Variants in PACRG observed in about 807,000 individuals in gnomAD.
PACRG encodes the protein parkin coregulated.
In PACRG, 29 loss-of-function variants were observed where a neutral mutation model predicts 29.7. The observed-to-expected ratio is 0.98, with a 90% confidence interval of 0.73 to 1.33. PACRG has a LOEUF of 1.33. Among genes scored for constraint, PACRG ranks in the 40% most tolerant of loss-of-function variants. The pLI, the probability that PACRG is intolerant of heterozygous loss-of-function variation, is 0.00. For missense variants in PACRG, 279 were observed against 316.2 expected (o/e 0.88, Z 0.89); for synonymous variants, 116 against 118.7 (o/e 0.98, Z 0.15).
chr6:163,236,703 G>A (rs919722521), intron 4 of PACRG, among the ~76,000 whole-genome samples: 6 of 152,222 alleles, frequency 3.9e-5, no homozygotes. Flanking sequence ...CTTCGTTTTA[G>A]TGGGGCATTG....
chr6:162,845,326 G>A (rs774148544), intron 2 of PACRG, among the ~76,000 whole-genome samples: 1 of 151,334 alleles, frequency 6.6e-6, no homozygotes, highest in Middle Eastern at 3.5e-3. Context: ...CAAACCGTGA[G>A]CAAGAATCCC....
intron 1 of PACRG, among the ~76,000 whole-genome samples, chr6:162,794,635 T>C (rs1442009725): frequency 6.6e-6 from 1 of 152,196 alleles, no homozygotes; most frequent in Admixed American, 6.5e-5. Context: ...GAGACAGAGA[T>C]ACAGTTTTTC....
chr6:163,032,675 T>C (rs1489851768), intron 2 of PACRG, among the ~76,000 whole-genome samples: 1 of 152,154 alleles, frequency 6.6e-6, no homozygotes, highest in African/African-American at 2.4e-5. Flanking sequence ...AGAAAACCAA[T>C]CATTTTATAT....
chr6:162,975,616 A>G (rs1423445583), intron 2 of PACRG, among the ~76,000 whole-genome samples: 2 of 152,186 alleles, frequency 1.3e-5, no homozygotes, highest in Non-Finnish European at 2.9e-5. Context: ...GACATATGGC[A>G]TAATCATTTT....
At chr6:163,302,400 C>T (rs1785039708) in intron 4 of PACRG, among the ~76,000 whole-genome samples, 1 of 152,194 alleles carries the variant, frequency 6.6e-6, no homozygotes, top group African/African-American at 2.4e-5. Context: ...TCTCTTGCCA[C>T]ATTTAACTCA....
chr6:162,964,013 A>T (rs1165497960), intron 2 of PACRG, among the ~76,000 whole-genome samples: 3 of 152,112 alleles, frequency 2.0e-5, no homozygotes, highest in Non-Finnish European at 2.9e-5. Flanking sequence ...GAGGAGCTGG[A>T]AATCAGTAAA....
intron 2 of PACRG, among the ~76,000 whole-genome samples, chr6:162,871,909 TC>T: frequency 6.6e-6 from 1 of 150,648 alleles, no homozygotes; most frequent in Non-Finnish European, 1.5e-5. Flanking sequence ...AGAGCCAGAC[TC>T]CGTCTCAAAA....
At chr6:163,197,434 C>CTTTTTTTTTTTT (rs57942658) in intron 4 of PACRG, among the ~76,000 whole-genome samples, 11 of 106,242 alleles carry the variant, frequency 1.0e-4, no homozygotes, top group Admixed American at 3.1e-4. Flanking sequence ...CTTTTCTTTT[C>CTTTTTTTTTTTT]TTTTTTTTTT....
chr6:163,173,123 A>G (rs1382610182), intron 4 of PACRG, among the ~76,000 whole-genome samples: 2 of 152,226 alleles, frequency 1.3e-5, no homozygotes, highest in Non-Finnish European at 2.9e-5. Context: ...ACACGTTAGG[A>G]AATACACCTG....
chr6:162,801,142 A>G (rs934686784), intron 1 of PACRG, among the ~76,000 whole-genome samples: 2 of 152,036 alleles, frequency 1.3e-5, no homozygotes, highest in African/African-American at 4.8e-5. Flanking sequence ...TTTTTGAGGC[A>G]GAGTCTCGCT....
At chr6:162,988,732 G>A (rs993290987) in intron 2 of PACRG, among the ~76,000 whole-genome samples, 1 of 151,972 alleles carries the variant, frequency 6.6e-6, no homozygotes, top group African/African-American at 2.4e-5. Context: ...GAAAGGGAAT[G>A]GTTATATAAA....
chr6:162,889,631 C>T (rs535292211), intron 2 of PACRG, among the ~76,000 whole-genome samples: 4 of 152,172 alleles, frequency 2.6e-5, no homozygotes, highest in Admixed American at 6.5e-5. Flanking sequence ...CTCTTGTATA[C>T]TTGTGTTTTG....
At chr6:163,026,183 A>T (rs1359869333) in intron 2 of PACRG, among the ~76,000 whole-genome samples, 1 of 152,230 alleles carries the variant, frequency 6.6e-6, no homozygotes, top group Non-Finnish European at 1.5e-5. Flanking sequence ...ATAAAAGGGA[A>T]CAACATAAAA....
intron 4 of PACRG, among the ~76,000 whole-genome samples, chr6:163,126,167 A>G (rs1437997535): frequency 6.6e-6 from 1 of 152,220 alleles, no homozygotes; most frequent in Non-Finnish European, 1.5e-5. Context: ...GATTGCTGGG[A>G]TGATAAATTT....
intron 2 of PACRG, among the ~76,000 whole-genome samples, chr6:162,860,131 A>G (rs1006728955): frequency 4.6e-5 from 7 of 152,292 alleles, no homozygotes; most frequent in Admixed American, 1.3e-4. Flanking sequence ...ATATTTTCTT[A>G]TTTTAACTAA....
At chr6:162,819,082 T>C (rs1345346055) in intron 2 of PACRG, among the ~76,000 whole-genome samples, 1 of 152,210 alleles carries the variant, frequency 6.6e-6, no homozygotes, top group East Asian at 1.9e-4. Flanking sequence ...GAGGCCTTTC[T>C]GCGTTCTTGT....
intron 4 of PACRG, among the ~76,000 whole-genome samples, chr6:163,197,175 A>AT (rs1780494681): frequency 6.6e-6 from 1 of 152,064 alleles, no homozygotes; most frequent in Admixed American, 6.6e-5. Context: ...TCAATACCTG[A>AT]TTTTTTCCAC....
intron 2 of PACRG, among the ~76,000 whole-genome samples, chr6:162,992,445 A>G (rs1803526233): frequency 6.7e-6 from 1 of 149,070 alleles, no homozygotes; most frequent in South Asian, 2.2e-4. Context: ...TCAGAGATTC[A>G]ACTTCTTCCT....
intron 4 of PACRG, among the ~76,000 whole-genome samples, chr6:163,279,659 A>C (rs1400548122): frequency 1.3e-5 from 2 of 152,192 alleles, no homozygotes; most frequent in Non-Finnish European, 2.9e-5. Context: ...TTTAATATTC[A>C]ATAAGAGATT....
Sources: gnomAD v4.1 joint callset for allele counts (sites outside exome capture counted in the v4.1 genomes callset) on GRCh38, gnomAD v4.1.1 for gene constraint, MANE v1.5 for transcripts, NCBI Gene and HGNC (gene_info 2026-07-23, HGNC 2026-07-21) for gene names.